PPP4R3A: variants seen among roughly 807,000 people sequenced by gnomAD.
The protein encoded by PPP4R3A is serine/threonine-protein phosphatase 4 regulatory subunit 3A.
A neutral mutation model predicts 91.7 loss-of-function variants in PPP4R3A; 15 were observed. That is an observed-to-expected ratio of 0.16 (90% CI 0.11 to 0.25). PPP4R3A has a LOEUF of 0.25. Ranked by LOEUF, PPP4R3A falls within the 10% of genes least tolerant of loss-of-function variation. The pLI is 1.00. For synonymous variants in PPP4R3A, 377 were observed against 348.7 expected (o/e 1.08, Z -0.91); for missense variants, 623 against 998.4 (o/e 0.62, Z 5.07).
At chr14:91,489,165 C>T (rs948855623) in intron 2 of PPP4R3A, among the ~76,000 whole-genome samples, 24 of 152,122 alleles carry the variant, frequency 1.6e-4, no homozygotes, top group African/African-American at 5.8e-4. Context: ...CCTCGGCCTC[C>T]CAAAGTGCTG....
intron 4 of PPP4R3A, 139 bp from the exon 5 acceptor site, chr14:91,477,125 T>TA (rs1889263158): frequency 3.2e-6 from 2 of 632,780 alleles, no homozygotes; most frequent in Non-Finnish European, 2.6e-6. Context: ...TTTTTTTTTT[T>TA]AACAGAAGGA....
At chr14:91,491,049 G>A (rs920649216) in intron 1 of PPP4R3A, among the ~76,000 whole-genome samples, 2 of 151,394 alleles carry the variant, frequency 1.3e-5, no homozygotes, top group Non-Finnish European at 1.5e-5. Flanking sequence ...GGGATTACAG[G>A]TGTGTGCCAC....
intron 1 of PPP4R3A, among the ~76,000 whole-genome samples, chr14:91,502,755 A>G (rs1009136153): frequency 2.0e-5 from 3 of 152,246 alleles, no homozygotes; most frequent in African/African-American, 7.2e-5. Context: ...TTCATGCCTC[A>G]AGTAACAGTG....
At chr14:91,477,622 AC>A (rs1171201653) in intron 4 of PPP4R3A, among the ~76,000 whole-genome samples, 1 of 152,144 alleles carries the variant, frequency 6.6e-6, no homozygotes, top group Non-Finnish European at 1.5e-5. Flanking sequence ...GTTTCTCATC[AC>A]TATTTTTTCA....
At chr14:91,460,855 G>A (rs902138516) in intron 14 of PPP4R3A, among the ~76,000 whole-genome samples, 6 of 152,152 alleles carry the variant, frequency 3.9e-5, no homozygotes, top group Admixed American at 2.6e-4. Flanking sequence ...TCCTGACCTC[G>A]TGTCCTGCCC....
chr14:91,461,828 T>C, intron 13 of PPP4R3A: 2 of 891,092 alleles, frequency 2.2e-6, no homozygotes, highest in Non-Finnish European at 3.3e-6. Context: ...TTAGTATCCC[T>C]ACCCTTCCTG....
At chr14:91,469,102 G>A (rs1018034989) in intron 10 of PPP4R3A, among the ~76,000 whole-genome samples, 3 of 113,704 alleles carry the variant, frequency 2.6e-5, no homozygotes, top group African/African-American at 1.1e-4. Context: ...GCTAGAGGTT[G>A]CAAATTTTTT....
chr14:91,485,967 T>C (rs1567156661), intron 2 of PPP4R3A, among the ~76,000 whole-genome samples: 1 of 152,218 alleles, frequency 6.6e-6, no homozygotes, highest in African/African-American at 2.4e-5. Context: ...ATATATTCTT[T>C]TCATGCATTG....
intron 1 of PPP4R3A, among the ~76,000 whole-genome samples, chr14:91,504,774 A>T (rs1261427637): frequency 1.3e-5 from 2 of 152,240 alleles, no homozygotes; most frequent in African/African-American, 4.8e-5. Context: ...TCGGTTTTGG[A>T]AGGGAAGGCA....
intron 9 of PPP4R3A, among the ~76,000 whole-genome samples, chr14:91,471,315 G>C (rs548229390): frequency 5.3e-5 from 8 of 152,096 alleles, no homozygotes; most frequent in Non-Finnish European, 1.2e-4. Flanking sequence ...CAAAATTCAA[G>C]GACCCTCTAC....
At chr14:91,505,949 T>A (rs971349167) in intron 1 of PPP4R3A, among the ~76,000 whole-genome samples, 21 of 53,090 alleles carry the variant, frequency 4.0e-4, no homozygotes, top group Non-Finnish European at 6.5e-4. Context: ...ATAATTGAAA[T>A]TTTTTTTTTT....
chr14:91,471,918 A>G (rs1050451220), intron 9 of PPP4R3A, among the ~76,000 whole-genome samples: 12 of 151,954 alleles, frequency 7.9e-5, no homozygotes, highest in African/African-American at 2.9e-4. Flanking sequence ...TATAAAAATT[A>G]GCCAGGCATG....
chr14:91,504,674 T>C (rs1331326497), intron 1 of PPP4R3A, among the ~76,000 whole-genome samples: 3 of 151,824 alleles, frequency 2.0e-5, no homozygotes, highest in South Asian at 2.1e-4. Context: ...AGAAACCTAC[T>C]GGATAAAGAT....
At chr14:91,504,935 C>A (rs1185486204) in intron 1 of PPP4R3A, among the ~76,000 whole-genome samples, 1 of 152,276 alleles carries the variant, frequency 6.6e-6, no homozygotes, top group East Asian at 1.9e-4. Context: ...ATAGCTTCCC[C>A]GTCCACAAAT....
chr14:91,501,767 C>T (rs370460866), intron 1 of PPP4R3A, among the ~76,000 whole-genome samples: 1 of 150,342 alleles, frequency 6.7e-6, no homozygotes, highest in Non-Finnish European at 1.5e-5. Flanking sequence ...TGCAGTGGCG[C>T]GATCTTGGCT....
chr14:91,491,586 T>C (rs757969439), intron 1 of PPP4R3A, among the ~76,000 whole-genome samples: 2 of 151,662 alleles, frequency 1.3e-5, no homozygotes, highest in South Asian at 2.1e-4. Flanking sequence ...TTTGTATTTT[T>C]AGTAGAGATG....
chr14:91,490,838 G>A, intron 1 of PPP4R3A, 36 bp from the exon 2 acceptor site: 2 of 1,404,774 alleles, frequency 1.4e-6, no homozygotes, highest in Non-Finnish European at 2.0e-6. Context: ...TTATGTTACT[G>A]TAAAACAGCA....
At chr14:91,503,318 C>T (rs1320282746) in intron 1 of PPP4R3A, among the ~76,000 whole-genome samples, 1 of 151,218 alleles carries the variant, frequency 6.6e-6, no homozygotes, top group African/African-American at 2.4e-5. Context: ...GAGACAGGGT[C>T]TTGCTTCATC....
rs1407522693 is a variant in PPP4R3A, at chr14:91,510,018, C to CGCCGCCGCCGCCTCCTCAG, written c.-390_-372dup. The CGCCGCCGCCGCCTCCTCAG allele has an allele frequency of 1.5e-5, 13 of 893,140 alleles. No individual in the cohort carries two copies. The South Asian group carries it at 1.5e-4, about 10-fold the overall frequency. The allele number at this position is 893,140 out of a possible 1,614,324, so 55.3% of individuals were successfully genotyped here. A position where few individuals can be genotyped will look rare whatever the true frequency, so the allele number is the denominator to read the frequency against. ...ATGATCTCCGCGAAGCAGCTTCCCG[C>CGCCGCCGCCGCCTCCTCAG]GCCGCCGCCGCCTCCTCAGGCCGCC... On this transcript the variant is annotated 5_prime_UTR_variant, in exon 1 of 15. Coordinates refer to ENST00000554943, the MANE Select transcript of PPP4R3A (RefSeq NM_001366432.2).
Sources: gnomAD v4.1 joint callset for allele counts (sites outside exome capture counted in the v4.1 genomes callset) on GRCh38, gnomAD v4.1.1 for gene constraint, MANE v1.5 for transcripts, NCBI Gene and HGNC (gene_info 2026-07-23, HGNC 2026-07-21) for gene names.